The following IRF2 variants were observed in gnomAD, a reference collection of about 807,000 sequenced individuals.
IRF2 encodes the protein interferon regulatory factor 2.
IRF2 carries 15 observed loss-of-function variants against 40.6 expected under a neutral mutation model. That is an observed-to-expected ratio of 0.37 (90% CI 0.25 to 0.57). The LOEUF (loss-of-function observed/expected upper bound fraction) is 0.57, where lower values mean the gene tolerates loss of function less well. Among genes scored for constraint, IRF2 ranks in the 20% least tolerant of loss-of-function variants. IRF2 has a pLI of 0.77. For synonymous variants in IRF2, 151 were observed against 165.5 expected (o/e 0.91, Z 0.67); for missense variants, 317 against 455.7 (o/e 0.70, Z 2.77).
chr4:184,413,474 C>T lies in IRF2; in HGVS notation c.411+4693G>A. Among the ~76,000 whole-genome samples, 1 of 152,342 alleles carries T rather than the reference C, an allele frequency of 6.6e-6. No individual in the cohort carries two copies. The highest frequency in any genetic ancestry group is 2.4e-5 in the African/African-American group (1 of 41,586). ...CTTTCATTTGATTAAAGTTTAAAAA[C>T]TGAAGACCTCTTCCAACTAGTGAAG... is the stretch of plus-strand genomic sequence containing the variant. On this transcript the variant is annotated intron_variant, in intron 5 of 8. Coordinates refer to ENST00000393593, the MANE Select transcript of IRF2 (RefSeq NM_002199.4). This position sits in a 1 kb window ranked among gnomAD's most constrained non-coding sequence, Gnocchi z 4.2.
At chr4:184,418,069 G>C in intron 5 of IRF2, 98 bp downstream of exon 5, 1 of 866,458 alleles carries the variant, frequency 1.2e-6, no homozygotes, top group South Asian at 1.4e-5. Flanking sequence ...GGAAGAAAGA[G>C]GACACACTGA....
chr4:184,466,042 C>G (rs1191024092), intron 1 of IRF2, among the ~76,000 whole-genome samples: 8 of 149,272 alleles, frequency 5.4e-5, no homozygotes, highest in Non-Finnish European at 1.2e-4. Context: ...TTTAACTTGT[C>G]CCATCTGGTT....
chr4:184,436,266 C>T (rs777751734), intron 1 of IRF2, among the ~76,000 whole-genome samples: 1 of 152,164 alleles, frequency 6.6e-6, no homozygotes, highest in Admixed American at 6.5e-5. Context: ...TGAGCCACTG[C>T]GCCCGGCCAT....
In IRF2 at chr4:184,470,756, C is replaced by T. The variant is rs553467227; in HGVS notation, c.-7+3623G>A. Among the ~76,000 whole-genome samples the T allele has an allele frequency of 2.6e-5, 4 of 151,288 alleles. No homozygotes were observed. In the East Asian group the frequency reaches 5.8e-4, roughly 22 times the overall value. On this transcript the variant is annotated intron_variant, in intron 1 of 8. Coordinates refer to ENST00000393593, the MANE Select transcript of IRF2 (RefSeq NM_002199.4). ...AAAATACTACAATCAGCCCAGTGCA[C>T]ACCTGCAATGACAGATAATGAAGAA...
chr4:184,465,419 T>C (rs1465401911), intron 1 of IRF2, among the ~76,000 whole-genome samples: 1 of 152,158 alleles, frequency 6.6e-6, no homozygotes, highest in Non-Finnish European at 1.5e-5. Context: ...AATATTTTTC[T>C]GGTTAAAAGG....
chr4:184,465,894 T>C (rs542174012), intron 1 of IRF2, among the ~76,000 whole-genome samples: 13 of 152,200 alleles, frequency 8.5e-5, no homozygotes, highest in Non-Finnish European at 1.5e-4. Flanking sequence ...TTAACATTTT[T>C]AAGACTTTAA....
intron 8 of IRF2, among the ~76,000 whole-genome samples, chr4:184,389,779 C>A (rs1171006096): frequency 6.6e-6 from 1 of 152,120 alleles, no homozygotes; most frequent in Non-Finnish European, 1.5e-5. Context: ...CGACTCGGTC[C>A]CTCAATGCTG....
At chr4:184,441,985 AG>A (rs1738328981) in intron 1 of IRF2, among the ~76,000 whole-genome samples, 1 of 152,138 alleles carries the variant, frequency 6.6e-6, no homozygotes, top group Non-Finnish European at 1.5e-5. Context: ...ATCAAGAGGT[AG>A]AGAGGGCCCC....
chr4:184,402,964 G>A (rs537496277), intron 6 of IRF2, among the ~76,000 whole-genome samples: 8 of 152,194 alleles, frequency 5.3e-5, no homozygotes, highest in Admixed American at 2.0e-4. Context: ...AGATAAGCAC[G>A]TCCATGCAGA....
chr4:184,457,698 G>T (rs978734502), intron 1 of IRF2, among the ~76,000 whole-genome samples: 3 of 152,152 alleles, frequency 2.0e-5, no homozygotes, highest in Non-Finnish European at 4.4e-5. Flanking sequence ...AGTCCTTCCC[G>T]CAATGGACCG....
intron 7 of IRF2, among the ~76,000 whole-genome samples, chr4:184,392,704 A>G (rs1183458716): frequency 6.6e-6 from 1 of 152,186 alleles, no homozygotes; most frequent in Non-Finnish European, 1.5e-5. Context: ...AAAAGAACAA[A>G]TGGACAAACT....
intron 1 of IRF2, among the ~76,000 whole-genome samples, chr4:184,433,010 G>T (rs1013783625): frequency 6.6e-6 from 1 of 152,192 alleles, no homozygotes; most frequent in Non-Finnish European, 1.5e-5. Flanking sequence ...CCTGAGGCAA[G>T]GTGGCCCCTG....
At chr4:184,414,845 T>G (rs544268779) in intron 5 of IRF2, among the ~76,000 whole-genome samples, 3 of 152,356 alleles carry the variant, frequency 2.0e-5, no homozygotes, top group African/African-American at 7.2e-5. Context: ...TATTCATACC[T>G]AGTTACCATA....
chr4:184,466,120 G>A (rs994847748), intron 1 of IRF2, among the ~76,000 whole-genome samples: 13 of 148,696 alleles, frequency 8.7e-5, no homozygotes, highest in African/African-American at 3.3e-4. Context: ...GTGCGATCTC[G>A]GCTCACTGCA....
chr4:184,417,836 A>G (rs2149899777), intron 5 of IRF2, among the ~76,000 whole-genome samples: 1 of 145,312 alleles, frequency 6.9e-6, no homozygotes, highest in South Asian at 2.2e-4. Context: ...ACTTAATAGT[A>G]TGAGAATAAG....
chr4:184,417,724 A>G (rs2288248), intron 5 of IRF2, among the ~76,000 whole-genome samples: 108,599 of 152,082 alleles, frequency 0.71, 39,389 homozygotes, highest in Non-Finnish European at 0.78. Context: ...GTCCCCCACC[A>G]AAGGGCCTGT....
chr4:184,460,678 C>T (rs376508223), intron 1 of IRF2, among the ~76,000 whole-genome samples: 4 of 111,950 alleles, frequency 3.6e-5, no homozygotes, highest in Admixed American at 1.0e-4. Flanking sequence ...CACACACACA[C>T]ATGCACGCAC....
At position 184,450,867 on chromosome 4, in the gene IRF2, T is replaced by A. The variant is rs866297018; in HGVS notation, c.-6-21797A>T. Among the ~76,000 whole-genome samples, 27 of 152,166 alleles carry A rather than the reference T, an allele frequency of 1.8e-4. 1 individual carries two copies. Among genetic ancestry groups the A allele is most frequent in the African/African-American group, 6.5e-4 (27 of 41,436 alleles). On this transcript the variant is annotated intron_variant, in intron 1 of 8. Transcript: ENST00000393593. ...TTGTTTGTTTGTTTGTTGCTGTGCA[T>A]GCCCTATGAATGACATCCACACCGT... is the stretch of plus-strand genomic sequence containing the variant.
At chr4:184,453,721 A>G (rs1348519257) in intron 1 of IRF2, among the ~76,000 whole-genome samples, 3 of 152,222 alleles carry the variant, frequency 2.0e-5, no homozygotes, top group African/African-American at 7.2e-5. Context: ...AGAGTGGATA[A>G]CTGAGCCATG....
Sources: gnomAD v4.1 joint callset for allele counts (sites outside exome capture counted in the v4.1 genomes callset) on GRCh38, gnomAD v4.1.1 for gene constraint, Gnocchi (gnomAD v3.1) non-coding constraint, MANE v1.5 for transcripts, NCBI Gene and HGNC (gene_info 2026-07-23, HGNC 2026-07-21) for gene names.